The following ADGRV1 variants were observed in gnomAD, a reference collection of about 807,000 sequenced individuals.
ADGRV1 encodes adhesion G protein-coupled receptor V1.
ADGRV1 carries 359 observed loss-of-function variants against 596.2 expected under a neutral mutation model. That is an observed-to-expected ratio of 0.60 (90% CI 0.55 to 0.66). ADGRV1 has a LOEUF of 0.66. Among genes scored for constraint, ADGRV1 ranks in the 30% least tolerant of loss-of-function variants. The pLI is 0.00. For missense variants in ADGRV1, 7,274 were observed against 7,575.6 expected (o/e 0.96, Z 1.48); for synonymous variants, 2,681 against 2,679.2 (o/e 1.00, Z -0.02).
intron 87 of ADGRV1, among the ~76,000 whole-genome samples, chr5:91,145,872 A>G (rs1431155089): frequency 6.6e-6 from 1 of 152,218 alleles, no homozygotes; most frequent in Non-Finnish European, 1.5e-5. Flanking sequence ...GAAATCAAAC[A>G]CTAGCCTACA....
chr5:91,034,768 G>A (rs1784731287), intron 85 of ADGRV1, among the ~76,000 whole-genome samples: 1 of 152,086 alleles, frequency 6.6e-6, no homozygotes, highest in Non-Finnish European at 1.5e-5. Flanking sequence ...GTGACAAGCA[G>A]ACAAAACAGC....
In ADGRV1 at chr5:90,811,033, C is replaced by T. The variant is rs1762394984; in HGVS notation, c.15773C>T (p.Thr5258Ile). ...TGGFTGNVSI[T>I]VKTFGERCAQ... ...GGGTTTACTGGCAATGTCAGCATAA[C>T]AGTTAAAACTTTCGGTGAAAGATGT... The change falls in exon 74 of 90, where the codon ACA becomes ATA. Residue 5258 changes from threonine (T) to isoleucine (I), a missense_variant. Thr to Ile is a moderately conservative substitution (Grantham distance 89, BLOSUM62 -1). This residue lies in a region of ADGRV1 where 1,874 missense variants were observed against 1,970.2 expected (regional missense o/e 0.95). Transcript: ENST00000405460. 6 of 1,614,006 alleles carry T rather than the reference C, an allele frequency of 3.7e-6. No homozygotes were observed. Among genetic ancestry groups the T allele is most frequent in the Non-Finnish European group, 4.2e-6 (5 of 1,179,896 alleles).
intron 33 of ADGRV1, among the ~76,000 whole-genome samples, chr5:90,695,441 T>C (rs7732809): frequency 0.015 from 2,338 of 152,160 alleles, 45 homozygotes; most frequent in African/African-American, 0.053. Context: ...AGATTATTGA[T>C]TACATCCTCA....
chr5:90,642,752 A>C lies in ADGRV1; in HGVS notation c.2357A>C (p.Tyr786Ser), dbSNP rs377131400. 26 of 1,612,254 alleles carry C rather than the reference A, an allele frequency of 1.6e-5. No individual in the cohort carries two copies. The highest frequency in any genetic ancestry group is 4.0e-5 in the African/African-American group (3 of 74,824). The change falls in exon 12 of 90, where the codon TAT becomes TCT. Residue 786 changes from tyrosine (Y) to serine (S), a missense_variant. Physicochemically the swap from Tyr to Ser is moderately radical, Grantham distance 144. Around this residue, in one of 5 missense-constraint regions of ADGRV1, gnomAD observed 1,715 missense variants for 1,708.8 expected, o/e 1.00. Coordinates refer to ENST00000405460, the MANE Select transcript of ADGRV1 (RefSeq NM_032119.4). ...TTTTCTCCTGCTTCCAGAGGACCCT[A>C]TGTTATAAAAGTAAGTACGAAAAAA... Reference protein sequence around the residue: ...FEFSPASRGPYVIKEGESVEL... With the variant: ...FEFSPASRGPSVIKEGESVEL...
At chr5:90,572,662 G>A (rs141941873) in intron 1 of ADGRV1, among the ~76,000 whole-genome samples, 120 of 152,216 alleles carry the variant, frequency 7.9e-4, no homozygotes, top group African/African-American at 2.8e-3. Context: ...ACACACACAT[G>A]AATTAACAAT....
At chr5:91,034,891 T>A (rs569856551) in intron 85 of ADGRV1, among the ~76,000 whole-genome samples, 1 of 152,188 alleles carries the variant, frequency 6.6e-6, no homozygotes, top group Admixed American at 6.5e-5. Flanking sequence ...GTGCAAGCGG[T>A]CCTCCCCCTT....
chr5:90,905,044 C>T (rs1256000430), intron 83 of ADGRV1, among the ~76,000 whole-genome samples: 1 of 151,964 alleles, frequency 6.6e-6, no homozygotes, highest in African/African-American at 2.4e-5. Context: ...AACAAGCTCA[C>T]TGTAGGTGTG....
intron 85 of ADGRV1, among the ~76,000 whole-genome samples, chr5:91,023,238 A>G (rs1197024854): frequency 6.6e-6 from 1 of 152,156 alleles, no homozygotes. Context: ...AAACACCATA[A>G]TGTGTAGCTA....
In ADGRV1 at chr5:90,778,894, A is replaced by G; in HGVS notation, c.12879A>G (p.Gly4293=). The G allele has an allele frequency of 6.2e-7, 1 of 1,612,968 alleles. No individual in the cohort carries two copies. ...ACATCACAATCATCCGTTCCAGTGG[A>G]GATTTTGGCCATGTGCGACTCTGGT... ...RVNITIIRSS[G]DFGHVRLWYK... The change falls in exon 64 of 90, where the codon GGA becomes GGG. Residue 4293 remains glycine (G), a synonymous_variant. Transcript: ENST00000405460.
chr5:90,946,642 G>A (rs1266854189), intron 83 of ADGRV1, among the ~76,000 whole-genome samples: 1 of 151,992 alleles, frequency 6.6e-6, no homozygotes, highest in Non-Finnish European at 1.5e-5. Context: ...AGGCCCCAGT[G>A]TGTGTTGTTC....
intron 57 of ADGRV1, 100 bp downstream of exon 57, chr5:90,757,261 A>G (rs1037711059): frequency 3.5e-6 from 3 of 854,140 alleles, no homozygotes; most frequent in Non-Finnish European, 5.6e-6. Context: ...TAAATGCATT[A>G]TACTCTAAAT....
chr5:91,099,260 T>A (rs1170497218), intron 86 of ADGRV1, among the ~76,000 whole-genome samples: 2 of 151,596 alleles, frequency 1.3e-5, no homozygotes, highest in African/African-American at 4.9e-5. Context: ...AAGCCTTATT[T>A]CTCTCTCAAA....
intron 59 of ADGRV1, among the ~76,000 whole-genome samples, chr5:90,772,114 TATAA>T (rs1404984647): frequency 6.6e-6 from 1 of 152,142 alleles, no homozygotes; most frequent in Non-Finnish European, 1.5e-5. Context: ...AATATAAACA[TATAA>T]AATATAGTTG....
chr5:90,669,069 T>C (rs1160479705), intron 21 of ADGRV1, among the ~76,000 whole-genome samples: 1 of 152,218 alleles, frequency 6.6e-6, no homozygotes, highest in Non-Finnish European at 1.5e-5. Flanking sequence ...GGTTTATTAA[T>C]TTAACTCATG....
chr5:91,075,505 A>G (rs1788774498), intron 86 of ADGRV1, among the ~76,000 whole-genome samples: 1 of 152,180 alleles, frequency 6.6e-6, no homozygotes, highest in South Asian at 2.1e-4. Flanking sequence ...ATATAAGGCA[A>G]AAGTTCCAGC....
intron 83 of ADGRV1, among the ~76,000 whole-genome samples, chr5:90,874,836 C>T (rs191478423): frequency 8.6e-4 from 130 of 151,024 alleles, no homozygotes; most frequent in African/African-American, 2.9e-3. Flanking sequence ...CCAGCCCGGG[C>T]GACAGCAAGA....
At chr5:91,112,720 C>T (rs1309600658) in intron 87 of ADGRV1, among the ~76,000 whole-genome samples, 1 of 152,024 alleles carries the variant, frequency 6.6e-6, no homozygotes, top group East Asian at 1.9e-4. Flanking sequence ...ATATTTTACA[C>T]CAACATTTTG....
chr5:91,099,538 C>T (rs571401835), intron 86 of ADGRV1, among the ~76,000 whole-genome samples: 25 of 152,008 alleles, frequency 1.6e-4, no homozygotes, highest in Admixed American at 7.2e-4. Flanking sequence ...GCCACCTGAG[C>T]GAGGGAATGG....
At chr5:90,821,804 C>G (rs1763547061) in intron 75 of ADGRV1, among the ~76,000 whole-genome samples, 2 of 151,984 alleles carry the variant, frequency 1.3e-5, no homozygotes, top group African/African-American at 4.8e-5. Flanking sequence ...CTGGGAGAAC[C>G]ACTGCTCTCT....
Sources: allele counts gnomAD v4.1 joint callset (sites outside exome capture counted in the v4.1 genomes callset), GRCh38; gene constraint gnomAD v4.1.1; regional missense constraint gnomAD v4.1.1; transcripts MANE v1.5; gene names NCBI Gene and HGNC (gene_info 2026-07-23, HGNC 2026-07-21).